MT1X: variants seen among roughly 807,000 people sequenced by gnomAD.
MT1X encodes metallothionein-1X.
A neutral mutation model predicts 8.6 loss-of-function variants in MT1X; 7 were observed. The observed-to-expected ratio is 0.81, with a 90% CI of 0.46 to 1.52. The LOEUF is 1.52. Among genes scored for constraint, MT1X ranks in the 40% most tolerant of loss-of-function variants. The probability of loss-of-function intolerance (pLI) is 0.01; values close to 1 mark genes in which losing one functional copy is unlikely to be tolerated. For synonymous variants in MT1X, 25 were observed against 27.6 expected (o/e 0.91, Z 0.30); for missense variants, 72 against 74.3 (o/e 0.97, Z 0.11).
rs1961024358 is a variant in MT1X at position 56,683,267 on chromosome 16, G to A, written c.94+37G>A. 2.5e-6 allele frequency: 4 copies of A among 1,612,676 alleles called. No individual in the cohort carries two copies. In the East Asian group the frequency reaches 6.7e-5, roughly 27 times the overall value. ...GCCTTCCCTGCGAATCTGGGGGATGGGCCAAGTTAGAGCAGGGAACCCAGA... is the reference window on the plus strand; with the variant it reads ...GCCTTCCCTGCGAATCTGGGGGATGAGCCAAGTTAGAGCAGGGAACCCAGA... On this transcript the variant is annotated intron_variant, in intron 2 of 2. Transcript: ENST00000394485.
chr16:56,682,874 G>A, intron 1 of MT1X: 1 of 591,082 alleles, frequency 1.7e-6, no homozygotes, highest in African/African-American at 1.9e-5. Flanking sequence ...GGAAGTGGGG[G>A]GCCATTGCCT....
Position 56,683,958 on chromosome 16 carries a change from G to GCTGCTGCTC in MT1X, c.103_111dup (p.Ser35_Cys37dup). 6.2e-7 allele frequency: 1 copy of GCTGCTGCTC among 1,614,068 alleles called. No homozygotes were observed. Among genetic ancestry groups the GCTGCTGCTC allele is most frequent in the Non-Finnish European group, 8.5e-7 (1 of 1,179,982 alleles). ...CTCTCACTCTCCCCTTCTTCTCCAG[G>GCTGCTGCTC]CTGCTGCTCCTGCTGCCCTGTGGGC... On this transcript the variant is annotated inframe_insertion and splice_region_variant, in exon 3 of 3. Coordinates refer to ENST00000394485, the MANE Select transcript of MT1X (RefSeq NM_005952.4).
chr16:56,682,489 C>G lies in MT1X; in HGVS notation c.-52C>G. The G allele has an allele frequency of 1.2e-6, 2 of 1,610,220 alleles. No individual in the cohort carries two copies. The highest frequency in any genetic ancestry group is 1.7e-6 in the Non-Finnish European group (2 of 1,176,468). On this transcript the variant is annotated 5_prime_UTR_variant, in exon 1 of 3. Coordinates refer to ENST00000394485, the MANE Select transcript of MT1X (RefSeq NM_005952.4). ...GGCTCCACCACGCTTTTCATCTGTCCCGCTGCGTGTTTTCCTCTTGATCGG... is the reference window on the plus strand; with the variant it reads ...GGCTCCACCACGCTTTTCATCTGTCGCGCTGCGTGTTTTCCTCTTGATCGG...
Position 56,682,535 on chromosome 16 carries a change from C to T in MT1X, c.-6C>T, listed in dbSNP as rs966403615. ...ATCGGGAACTCCTGCTTCTCCTTGC[C>T]TCGAAATGGACCCCAACTGCTCCTG... is the stretch of plus-strand genomic sequence containing the variant. On this transcript the variant is annotated 5_prime_UTR_variant, in exon 1 of 3. Transcript: ENST00000394485. 29 of 1,614,110 alleles carry T rather than the reference C, an allele frequency of 1.8e-5. No individual in the cohort carries two copies. Among genetic ancestry groups the T allele is most frequent in the Middle Eastern group, 1.6e-4 (1 of 6,084 alleles).
Position 56,683,239 on chromosome 16 carries a change from A to C in MT1X, c.94+9A>C, listed in dbSNP as rs746936572. The C allele has an allele frequency of 9.3e-6, 15 of 1,613,130 alleles. No homozygotes were observed. The highest frequency in any genetic ancestry group is 1.3e-5 in the Non-Finnish European group (15 of 1,179,184). ...CACCTCCTGCAAGAAGAGTGAGTGC[A>C]GGGCCTTCCCTGCGAATCTGGGGGA... On this transcript the variant is annotated intron_variant, in intron 2 of 2. Transcript: ENST00000394485.
At chr16:56,682,751 G>A (rs372109784) in intron 1 of MT1X, 183 bp downstream of exon 1, 24 of 751,322 alleles carry the variant, frequency 3.2e-5, no homozygotes, top group African/African-American at 3.0e-4. Context: ...CTCTAAGTTA[G>A]AGTTGAGGGT....
At chr16:56,682,669 A>C (rs1306522696) in intron 1 of MT1X, 101 bp downstream of exon 1, 1 of 1,423,312 alleles carries the variant, frequency 7.0e-7, no homozygotes, top group Non-Finnish European at 9.8e-7. Context: ...TCTGAGCTGA[A>C]GGGGCTCCTT....
At chr16:56,683,136 C>T (rs546115238) in intron 1 of MT1X, 29 bp from the exon 2 acceptor site, 17 of 1,613,246 alleles carry the variant, frequency 1.1e-5, no homozygotes, top group African/African-American at 6.7e-5. Flanking sequence ...TCTCACTCCA[C>T]GCTCACTGCC....
intron 1 of MT1X, 112 bp from the exon 2 acceptor site, chr16:56,683,053 C>G: frequency 7.7e-7 from 1 of 1,293,464 alleles, no homozygotes; most frequent in Non-Finnish European, 1.1e-6. Context: ...GGGAAAGGAG[C>G]TCTGGGGGCT....
intron 1 of MT1X, chr16:56,682,878 A>T (rs1206139632): frequency 5.1e-6 from 3 of 591,526 alleles, no homozygotes; most frequent in Non-Finnish European, 6.0e-6. Context: ...GTGGGGGGCC[A>T]TTGCCTCTTC....
At chr16:56,682,832 T>G (rs367704876) in intron 1 of MT1X, 20 of 597,556 alleles carry the variant, frequency 3.3e-5, no homozygotes, top group African/African-American at 2.8e-4. Context: ...GCCCCAATGC[T>G]CTGACCAGGC....
intron 2 of MT1X, chr16:56,683,699 C>CT: frequency 2.0e-6 from 1 of 507,234 alleles, no homozygotes; most frequent in Non-Finnish European, 3.5e-6. Context: ...TTTTGGGGAA[C>CT]TGGCCTCCTT....
rs1440269721 is a variant in MT1X at position 56,683,507 on chromosome 16, A to G, written c.94+277A>G. 5 of 450,374 alleles carry G rather than the reference A, an allele frequency of 1.1e-5. No individual in the cohort carries two copies. In the East Asian group the frequency reaches 1.8e-4, roughly 16 times the overall value. The allele number at this position is 450,374 out of a possible 1,614,324, so 27.9% of individuals were successfully genotyped here. ...CCTGCCTCCTGATGCAGCCTTCTTC[A>G]CCCTTCTGGGTCCTGAAGCACTTAA... is the stretch of plus-strand genomic sequence containing the variant. On this transcript the variant is annotated intron_variant, in intron 2 of 2. Transcript: ENST00000394485.
Position 56,683,231 on chromosome 16 carries a change from G to GT in MT1X, c.94+2dup, listed in dbSNP as rs748430154. On this transcript the variant is annotated splice_donor_variant, in intron 2 of 2. Coordinates refer to ENST00000394485, the MANE Select transcript of MT1X (RefSeq NM_005952.4). LOFTEE classifies it high-confidence loss of function. ...TGCAAATGCACCTCCTGCAAGAAGA[G>GT]TGAGTGCAGGGCCTTCCCTGCGAAT... 1 of 1,613,956 alleles carries GT rather than the reference G, an allele frequency of 6.2e-7. No homozygotes were observed. Among genetic ancestry groups the GT allele is most frequent in the Non-Finnish European group, 8.5e-7 (1 of 1,179,884 alleles).
intron 1 of MT1X, 62 bp from the exon 2 acceptor site, chr16:56,683,103 G>T: frequency 6.3e-7 from 1 of 1,597,390 alleles, no homozygotes; most frequent in South Asian, 1.1e-5. Flanking sequence ...AAGCGTTATT[G>T]ACCAGCTGCT....
chr16:56,683,619 TC>T (rs1365509339), intron 2 of MT1X: 1 of 389,508 alleles, frequency 2.6e-6, no homozygotes, highest in Admixed American at 4.2e-5. Flanking sequence ...TCCCTAGCCT[TC>T]CCCAGAACTG....
At chr16:56,683,434 G>A in intron 2 of MT1X, 1 of 577,514 alleles carries the variant, frequency 1.7e-6, no homozygotes, top group South Asian at 2.0e-5. Context: ...GGCCCAGAGA[G>A]GTTACCAGAT....
At chr16:56,682,885 C>T (rs2301232) in intron 1 of MT1X, 367,467 of 584,384 alleles carry the variant, frequency 0.63, 117,520 homozygotes, top group East Asian at 0.9. Flanking sequence ...GCCATTGCCT[C>T]TTCGGAGTTC....
At chr16:56,682,916 C>G in intron 1 of MT1X, 1 of 597,356 alleles carries the variant, frequency 1.7e-6, no homozygotes, top group Non-Finnish European at 2.9e-6. Flanking sequence ...GTTCTGGCCT[C>G]CTGTCTTAGC....
Sources: allele counts gnomAD v4.1 joint callset, GRCh38; gene constraint gnomAD v4.1.1; transcripts MANE v1.5; gene names NCBI Gene and HGNC (gene_info 2026-07-23, HGNC 2026-07-21).